The following SCD variants were observed in gnomAD, a reference collection of about 807,000 sequenced individuals.
The protein encoded by SCD is acyl-CoA desaturase.
SCD carries 4 observed loss-of-function variants against 35.7 expected under a neutral mutation model. The observed-to-expected ratio is 0.11, with a 90% CI of 0.06 to 0.26. The LOEUF (loss-of-function observed/expected upper bound fraction) is 0.26, where lower values mean the gene tolerates loss of function less well. SCD is among the 10% of genes least tolerant of loss of function. SCD has a pLI of 1.00. For synonymous variants in SCD, 150 were observed against 170.2 expected, an observed-to-expected ratio of 0.88 and a Z score of 0.92; for missense variants, 282 against 460.7, an observed-to-expected ratio of 0.61 and a Z score of 3.55.
In SCD at chr10:100,356,373, C is replaced by CA. The variant is rs1278329006; in HGVS notation, c.648-151dup. Among the ~76,000 whole-genome samples, 9 of 151,626 alleles carry CA rather than the reference C, an allele frequency of 5.9e-5. No individual in the cohort carries two copies. Among genetic ancestry groups the CA allele is most frequent in the East Asian group, 1.9e-4 (1 of 5,162 alleles). ...CCTTGGCAACAGAGTGAGACCCTGTCAAAAAAAACAAACAAAAATAAATAA... is the reference window on the plus strand; with the variant it reads ...CCTTGGCAACAGAGTGAGACCCTGTCAAAAAAAAACAAACAAAAATAAATAA... On this transcript the variant is annotated intron_variant, in intron 4 of 5. Transcript: ENST00000370355. This position sits in a 1 kb window ranked among gnomAD's most constrained non-coding sequence, Gnocchi z 4.1.
chr10:100,348,172 A>T lies in SCD; in HGVS notation c.136A>T (p.Ile46Phe). The T allele has an allele frequency of 1.9e-6, 3 of 1,613,970 alleles. No homozygotes were observed. Among genetic ancestry groups the T allele is most frequent in the Non-Finnish European group, 2.5e-6 (3 of 1,179,924 alleles). Reference protein sequence around the residue: ...ETMPLYLEDDIRPDIKDDIYD... With the variant: ...ETMPLYLEDDFRPDIKDDIYD... ...GATGCCCCTCTACTTGGAAGACGAC[A>T]TTCGCCCTGATATAAAAGATGATAT... Residue 46 changes from isoleucine to phenylalanine, a missense_variant, in exon 2 of 6, where the codon ATT becomes TTT. Around this residue, in one of 2 missense-constraint regions of SCD, gnomAD observed 77 missense variants for 88.4 expected, o/e 0.87. Coordinates refer to ENST00000370355, the MANE Select transcript of SCD (RefSeq NM_005063.5).
Position 100,364,453 on chromosome 10 carries a change from C to T in SCD, c.*3520C>T, listed in dbSNP as rs1194825400. 1 of 152,554 alleles carries T rather than the reference C, an allele frequency of 6.6e-6. No homozygotes were observed. Among genetic ancestry groups the T allele is most frequent in the Admixed American group, 6.6e-5 (1 of 15,254 alleles). The allele number at this position is 152,554 out of a possible 1,614,324, so 9.5% of individuals were successfully genotyped here. ...TGCTTTTTAGAAAGCATTTTGGGATCCTTCAGCACAGGAATTCTCAAGACC... is the reference window on the plus strand; with the variant it reads ...TGCTTTTTAGAAAGCATTTTGGGATTCTTCAGCACAGGAATTCTCAAGACC... On this transcript the variant is annotated 3_prime_UTR_variant, in exon 6 of 6. Coordinates refer to ENST00000370355, the MANE Select transcript of SCD (RefSeq NM_005063.5).
chr10:100,357,471 C>T (rs183614679), intron 5 of SCD, among the ~76,000 whole-genome samples: 219 of 152,256 alleles, frequency 1.4e-3, no homozygotes, highest in African/African-American at 4.9e-3. Flanking sequence ...CTACCACCTA[C>T]CCTCTTGTCT....
At chr10:100,347,575 G>C (rs932792730) in intron 1 of SCD, 44 bp downstream of exon 1, 7 of 1,611,708 alleles carry the variant, frequency 4.3e-6, no homozygotes, top group East Asian at 2.2e-5. Context: ...TCGCAGGCGC[G>C]GGCTGGGCTT....
chr10:100,349,455 G>A (rs1246836687), intron 2 of SCD, among the ~76,000 whole-genome samples: 1 of 152,180 alleles, frequency 6.6e-6, no homozygotes, highest in East Asian at 1.9e-4. Context: ...GCTCTTGAAG[G>A]GTAGTTATGC....
intron 5 of SCD, among the ~76,000 whole-genome samples, chr10:100,358,484 T>C (rs12782060): frequency 0.37 from 54,229 of 147,192 alleles, 11,356 homozygotes; most frequent in Admixed American, 0.51. Context: ...CCCAGCTACT[T>C]GGGAGGCTGA....
intron 2 of SCD, 36 bp downstream of exon 2, chr10:100,348,382 C>CAGGT (rs1269454462): frequency 4.9e-5 from 77 of 1,585,428 alleles, no homozygotes; most frequent in Non-Finnish European, 6.1e-5. Context: ...CCTAGTCCTC[C>CAGGT]AGGTACTCAC....
intron 2 of SCD, among the ~76,000 whole-genome samples, chr10:100,349,782 C>T (rs979308319): frequency 1.3e-5 from 2 of 151,800 alleles, no homozygotes; most frequent in African/African-American, 2.4e-5. Flanking sequence ...GAGGGGAGGG[C>T]GACATCTGTT....
Position 100,356,450 on chromosome 10 carries a change from C to T in SCD, c.648-82C>T. The T allele has an allele frequency of 1.1e-6, 1 of 920,340 alleles. No homozygotes were observed. Among genetic ancestry groups the T allele is most frequent in the South Asian group, 1.4e-5 (1 of 73,058 alleles). 57.0% of individuals were successfully genotyped at this position (920,340 alleles called of 1,614,324 possible). On this transcript the variant is annotated intron_variant, in intron 4 of 5. Coordinates refer to ENST00000370355, the MANE Select transcript of SCD (RefSeq NM_005063.5). This position sits in a 1 kb window ranked among gnomAD's most constrained non-coding sequence, Gnocchi z 4.1. ...AATTCAACATGGAAGAAAGACAGCC[C>T]ATCCCCTCCCAATTAGTGTGGAAGA...
At chr10:100,357,630 TCTTTC>T (rs1006331206) in intron 5 of SCD, among the ~76,000 whole-genome samples, 4 of 152,136 alleles carry the variant, frequency 2.6e-5, no homozygotes, top group Admixed American at 6.5e-5. Flanking sequence ...TTTTCTCTTT[TCTTTC>T]CTTTCATTTT....
chr10:100,347,945 A>G (rs543779307), intron 1 of SCD, 119 bp from the exon 2 acceptor site: 2 of 1,006,910 alleles, frequency 2.0e-6, no homozygotes, highest in African/African-American at 1.6e-5. Context: ...TCAGTGAACT[A>G]CGGCGCTGCG....
chr10:100,354,380 AG>A, intron 3 of SCD, 46 bp from the exon 4 acceptor site: 1 of 1,517,584 alleles, frequency 6.6e-7, no homozygotes, highest in Non-Finnish European at 9.1e-7. Context: ...TTCTCCTAAT[AG>A]GGTGTCTATC....
In SCD at chr10:100,361,325, G is replaced by A. The variant is rs200647198; in HGVS notation, c.*392G>A. 5 of 195,794 alleles carry A rather than the reference G, an allele frequency of 2.6e-5. No homozygotes were observed. Among genetic ancestry groups the A allele is most frequent in the Admixed American group, 2.1e-4 (4 of 18,754 alleles). The allele number at this position is 195,794 out of a possible 1,614,324, so 12.1% of individuals were successfully genotyped here. A position where few individuals can be genotyped will look rare whatever the true frequency, so the allele number is the denominator to read the frequency against. ...CCAGATAACTCTCTTTCCTTGAGCT[G>A]TTGTGAGCTTTGAAGTAGGTGGCTT... is the stretch of plus-strand genomic sequence containing the variant. On this transcript the variant is annotated 3_prime_UTR_variant, in exon 6 of 6. Transcript: ENST00000370355.
chr10:100,347,376 A>G lies in SCD; in HGVS notation c.-129A>G. 9.7e-7 allele frequency: 1 copy of G among 1,034,590 alleles called. No homozygotes were observed. Among genetic ancestry groups the G allele is most frequent in the South Asian group, 1.3e-5 (1 of 74,744 alleles). 64.1% of individuals were successfully genotyped at this position (1,034,590 alleles called of 1,614,324 possible). ...CGCACCGCGGCTAGCGCCGACAACC[A>G]GCTAGCGTGCAAGGCGCCGCGGCTC... On this transcript the variant is annotated 5_prime_UTR_variant, in exon 1 of 6. Coordinates refer to ENST00000370355, the MANE Select transcript of SCD (RefSeq NM_005063.5).
rs537420949 is a variant in SCD at position 100,363,702 on chromosome 10, G to A, written c.*2769G>A. The A allele has an allele frequency of 2.0e-5, 3 of 152,730 alleles. No individual in the cohort carries two copies. Among genetic ancestry groups the A allele is most frequent in the African/African-American group, 7.2e-5 (3 of 41,554 alleles). 9.5% of individuals were successfully genotyped at this position (152,730 alleles called of 1,614,324 possible). ...TCAGGCTGAGGGCCCCAATGTATGT[G>A]TGGCTGTGGGTGTGGGTGGGAGTGT... On this transcript the variant is annotated 3_prime_UTR_variant, in exon 6 of 6. Transcript: ENST00000370355.
At chr10:100,358,883 G>A (rs1849960238) in intron 5 of SCD, among the ~76,000 whole-genome samples, 1 of 151,994 alleles carries the variant, frequency 6.6e-6, no homozygotes, top group Non-Finnish European at 1.5e-5. Flanking sequence ...AGCCGAGATT[G>A]TGCCACTGCA....
intron 2 of SCD, among the ~76,000 whole-genome samples, chr10:100,349,191 G>A (rs539424818): frequency 4.6e-5 from 7 of 152,364 alleles, no homozygotes; most frequent in African/African-American, 1.4e-4. Context: ...CTGCTGTAAT[G>A]AGGGAGACAG....
intron 3 of SCD, among the ~76,000 whole-genome samples, chr10:100,353,263 T>C (rs1296183761): frequency 2.6e-5 from 4 of 152,070 alleles, no homozygotes; most frequent in Non-Finnish European, 4.4e-5. Flanking sequence ...GCTGCCATGG[T>C]GGCTAAGTAA....
Position 100,352,216 on chromosome 10 carries a change from G to A in SCD, c.311-150G>A, listed in dbSNP as rs563958009. On this transcript the variant is annotated intron_variant, in intron 2 of 5. Transcript: ENST00000370355. This position sits in a 1 kb window ranked among gnomAD's most constrained non-coding sequence, Gnocchi z 4.2. The stretch of plus-strand genomic sequence containing the variant: ...ATTTTTCAAGTGGTAAAATCTAAGG[G>A]ATGTGGTTATCCCTAGAGTTCATGG... 9 of 653,352 alleles carry A rather than the reference G, an allele frequency of 1.4e-5. No individual in the cohort carries two copies. The highest frequency in any genetic ancestry group is 1.0e-4 in the South Asian group (5 of 49,878). The allele number at this position is 653,352 out of a possible 1,614,324, so 40.5% of individuals were successfully genotyped here.
Sources: allele counts gnomAD v4.1 joint callset (sites outside exome capture counted in the v4.1 genomes callset), GRCh38; gene constraint gnomAD v4.1.1; regional missense constraint gnomAD v4.1.1; non-coding constraint Gnocchi (gnomAD v3.1); transcripts MANE v1.5; gene names NCBI Gene and HGNC (gene_info 2026-07-23, HGNC 2026-07-21).